Variants in NRXN3 observed in about 807,000 individuals in gnomAD.
NRXN3 encodes the protein neurexin 3.
NRXN3 carries 32 observed loss-of-function variants against 137.6 expected under a neutral mutation model. That is an observed-to-expected ratio of 0.23 (90% CI 0.18 to 0.31). NRXN3 has a LOEUF of 0.31. NRXN3 is among the 10% of genes least tolerant of loss of function. NRXN3 has a pLI of 1.00. For missense variants in NRXN3, 1,574 were observed against 2,062.5 expected (o/e 0.76, Z 4.59); for synonymous variants, 798 against 784.5 (o/e 1.02, Z -0.29).
chr14:79,127,657 A>G (rs1047822916), intron 15 of NRXN3, among the ~76,000 whole-genome samples: 156 of 152,094 alleles, frequency 1.0e-3, no homozygotes, highest in African/African-American at 3.2e-3. Context: ...TTGGCGATGC[A>G]GGCTCTTTTT....
At chr14:78,193,937 C>G (rs11620894) in intron 1 of NRXN3, among the ~76,000 whole-genome samples, 53 of 152,234 alleles carry the variant, frequency 3.5e-4, no homozygotes, top group Non-Finnish European at 6.5e-4. Flanking sequence ...ACCTGTCCTG[C>G]TAGACATGGT....
intron 16 of NRXN3, among the ~76,000 whole-genome samples, chr14:79,616,356 A>G (rs1267028843): frequency 1.3e-5 from 2 of 152,084 alleles, no homozygotes; most frequent in Non-Finnish European, 2.9e-5. Context: ...GACAGAAGTG[A>G]TGGGTGGGGA....
chr14:79,504,794 T>A (rs2096860983), intron 16 of NRXN3, among the ~76,000 whole-genome samples: 1 of 151,608 alleles, frequency 6.6e-6, no homozygotes, highest in South Asian at 2.1e-4. Context: ...CACTTCTCCC[T>A]TATCAACTCT....
At chr14:78,504,394 G>A (rs1385834120) in intron 4 of NRXN3, among the ~76,000 whole-genome samples, 1 of 152,200 alleles carries the variant, frequency 6.6e-6, no homozygotes, top group African/African-American at 2.4e-5. Context: ...TCTGAAGGAT[G>A]ACTTGTTCTC....
chr14:79,444,961 C>A (rs1419256754), intron 15 of NRXN3, among the ~76,000 whole-genome samples: 1 of 152,164 alleles, frequency 6.6e-6, no homozygotes, highest in Non-Finnish European at 1.5e-5. Context: ...GCCCTGATGA[C>A]TATATGGCAG....
chr14:79,210,143 T>C (rs914844845), intron 15 of NRXN3, among the ~76,000 whole-genome samples: 6 of 152,204 alleles, frequency 3.9e-5, no homozygotes, highest in Non-Finnish European at 5.9e-5. Flanking sequence ...ATTTCTTCAG[T>C]CCCTGTCTTC....
At position 79,406,711 on chromosome 14, in the gene NRXN3, A is replaced by G. The variant is rs573213755; in HGVS notation, c.3263-60510A>G. 2.6e-5 allele frequency among the ~76,000 whole-genome samples: 4 copies of G among 152,242 alleles called. No homozygotes were observed. In the East Asian group the frequency reaches 7.7e-4, roughly 29 times the overall value. On this transcript the variant is annotated intron_variant, in intron 15 of 20. Coordinates refer to ENST00000335750, the MANE Select transcript of NRXN3 (RefSeq NM_001330195.2). The stretch of plus-strand genomic sequence containing the variant: ...TTCACTTCCAGGTCCTAAAGTTGCA[A>G]TTAAGGAGAAAAAAATCATTGATTA...
chr14:79,488,585 C>T (rs1049077687), intron 16 of NRXN3, among the ~76,000 whole-genome samples: 2 of 152,126 alleles, frequency 1.3e-5, no homozygotes, highest in Non-Finnish European at 2.9e-5. Flanking sequence ...CAGTAGACGG[C>T]TTAATGTCAT....
intron 19 of NRXN3, among the ~76,000 whole-genome samples, chr14:79,755,479 C>T (rs1031452584): frequency 6.6e-6 from 1 of 151,366 alleles, no homozygotes; most frequent in Non-Finnish European, 1.5e-5. Flanking sequence ...TCATTTCTAT[C>T]TTGGTCTGGA....
chr14:78,893,733 A>G (rs760258477), intron 10 of NRXN3, among the ~76,000 whole-genome samples: 2 of 151,862 alleles, frequency 1.3e-5, no homozygotes, highest in South Asian at 2.1e-4. Flanking sequence ...GTGCGAATTT[A>G]CTTAGCTGAG....
chr14:78,807,744 A>G (rs2098884063), intron 9 of NRXN3, among the ~76,000 whole-genome samples: 3 of 132,236 alleles, frequency 2.3e-5, no homozygotes, highest in Admixed American at 8.1e-5. Flanking sequence ...CAAAAAAAAA[A>G]AAAAAAAAAA....
intron 1 of NRXN3, among the ~76,000 whole-genome samples, chr14:78,171,589 A>G (rs1434807476): frequency 1.3e-5 from 2 of 151,886 alleles, no homozygotes; most frequent in South Asian, 2.1e-4. Flanking sequence ...CTCTTTTTTA[A>G]CCACAAAACT....
At chr14:78,247,122 A>G (rs1437294991) in intron 2 of NRXN3, among the ~76,000 whole-genome samples, 1 of 152,108 alleles carries the variant, frequency 6.6e-6, no homozygotes, top group Non-Finnish European at 1.5e-5. Flanking sequence ...TCTGTGGTCC[A>G]TTATCTCCAG....
At chr14:78,836,302 A>G (rs1244239185) in intron 10 of NRXN3, among the ~76,000 whole-genome samples, 2 of 152,224 alleles carry the variant, frequency 1.3e-5, no homozygotes, top group Non-Finnish European at 2.9e-5. Context: ...CTTTCTCCTT[A>G]TAAATCCCAG....
chr14:79,755,609 T>A (rs1174495458), intron 19 of NRXN3, among the ~76,000 whole-genome samples: 1 of 151,856 alleles, frequency 6.6e-6, no homozygotes, highest in Non-Finnish European at 1.5e-5. Flanking sequence ...TTCAACTCCC[T>A]ACCATTCTTA....
Position 79,861,757 on chromosome 14 carries a change from G to GGCT in NRXN3, c.4515_4517dup (p.Ala1507dup), listed in dbSNP as rs2099414216. The GGCT allele has an allele frequency of 6.2e-7, 1 of 1,613,932 alleles. No individual in the cohort carries two copies. The highest frequency in any genetic ancestry group is 8.5e-7 in the Non-Finnish European group (1 of 1,180,030). ...CAACAGGGATGGTCGTCGGCATTGT[G>GGCT]GCTGCTGCCGCCCTCTGCATCTTGA... On this transcript the variant is annotated inframe_insertion, in exon 21 of 21. Coordinates refer to ENST00000335750, the MANE Select transcript of NRXN3 (RefSeq NM_001330195.2). The surrounding 1 kb of genome is among the most constrained non-coding windows in gnomAD (Gnocchi z 5.4).
At chr14:79,545,562 T>G (rs1483787408) in intron 16 of NRXN3, among the ~76,000 whole-genome samples, 1 of 152,140 alleles carries the variant, frequency 6.6e-6, no homozygotes, top group Admixed American at 6.6e-5. Context: ...CCCTGTGCTA[T>G]AGAAGGTACC....
intron 17 of NRXN3, among the ~76,000 whole-genome samples, chr14:79,676,642 A>G (rs1212710174): frequency 1.3e-5 from 2 of 152,044 alleles, no homozygotes; most frequent in African/African-American, 4.8e-5. Flanking sequence ...GATGATGGGC[A>G]TGTTACTTTG....
intron 15 of NRXN3, among the ~76,000 whole-genome samples, chr14:79,430,640 A>C (rs1376066909): frequency 6.6e-6 from 1 of 152,226 alleles, no homozygotes; most frequent in Non-Finnish European, 1.5e-5. Context: ...AAAACTCATT[A>C]GCAAGATTTG....
Sources: allele counts gnomAD v4.1 joint callset (sites outside exome capture counted in the v4.1 genomes callset), GRCh38; gene constraint gnomAD v4.1.1; non-coding constraint Gnocchi (gnomAD v3.1); transcripts MANE v1.5; gene names NCBI Gene and HGNC (gene_info 2026-07-23, HGNC 2026-07-21).